IMMP2L: variants seen among roughly 807,000 people sequenced by gnomAD.
IMMP2L encodes the protein inner mitochondrial membrane peptidase subunit 2, also known as mitochondrial inner membrane protease subunit 2.
IMMP2L carries 18 observed loss-of-function variants against 19.3 expected under a neutral mutation model. The observed-to-expected ratio is 0.93, with a 90% confidence interval of 0.64 to 1.38. The LOEUF is 1.38. IMMP2L is among the 40% of genes most tolerant of loss of function. The pLI is 0.00. For synonymous variants in IMMP2L, 76 were observed against 73.0 expected (o/e 1.04, Z -0.21); for missense variants, 233 against 218.2 (o/e 1.07, Z -0.43).
intron 3 of IMMP2L, among the ~76,000 whole-genome samples, chr7:111,028,196 T>G (rs1195591494): frequency 6.6e-6 from 1 of 152,116 alleles, no homozygotes; most frequent in African/African-American, 2.4e-5. Flanking sequence ...AAATGAGATT[T>G]TTTCAACGTT....
intron 3 of IMMP2L, among the ~76,000 whole-genome samples, chr7:110,980,249 T>TA (rs1554480184): frequency 2.0e-5 from 3 of 148,378 alleles, no homozygotes; most frequent in African/African-American, 7.5e-5. Context: ...TTTTTTTTTT[T>TA]AGGAGTCTCG....
chr7:111,144,876 A>G (rs1803301553), intron 3 of IMMP2L, among the ~76,000 whole-genome samples: 1 of 152,180 alleles, frequency 6.6e-6, no homozygotes, highest in Admixed American at 6.6e-5. Context: ...ATCATTAAAT[A>G]TATAAATACA....
chr7:111,538,714 G>GT, intron 1 of IMMP2L, among the ~76,000 whole-genome samples: 1 of 150,860 alleles, frequency 6.6e-6, no homozygotes, highest in South Asian at 2.1e-4. Context: ...GGAGGCTGAG[G>GT]TGGGAGGATC....
At chr7:110,984,291 CAA>C (rs570938609) in intron 3 of IMMP2L, among the ~76,000 whole-genome samples, 5 of 130,518 alleles carry the variant, frequency 3.8e-5, no homozygotes, top group Non-Finnish European at 3.4e-5. Context: ...TACTTATCAC[CAA>C]AAAAAAAAAA....
At chr7:110,761,733 A>G (rs1251988291) in intron 5 of IMMP2L, among the ~76,000 whole-genome samples, 2 of 152,210 alleles carry the variant, frequency 1.3e-5, no homozygotes, top group African/African-American at 4.8e-5. Context: ...TTCACAGATG[A>G]GGAACCTGAG....
At chr7:110,732,194 A>G (rs1796316045) in intron 5 of IMMP2L, among the ~76,000 whole-genome samples, 1 of 152,196 alleles carries the variant, frequency 6.6e-6, no homozygotes, top group Non-Finnish European at 1.5e-5. Context: ...GGAGCTGAAG[A>G]GGCAACAAGG....
At chr7:110,704,208 AACT>A (rs2130662188) in intron 5 of IMMP2L, among the ~76,000 whole-genome samples, 1 of 152,306 alleles carries the variant, frequency 6.6e-6, no homozygotes, top group African/African-American at 2.4e-5. Context: ...TTGTCAACAT[AACT>A]ATATTTGTTA....
At chr7:111,330,783 C>A (rs533231671) in intron 3 of IMMP2L, among the ~76,000 whole-genome samples, 1 of 151,894 alleles carries the variant, frequency 6.6e-6, no homozygotes, top group African/African-American at 2.4e-5. Flanking sequence ...ATAAAAATTT[C>A]TCAAAAGAAG....
chr7:111,209,962 A>G (rs570860030), intron 3 of IMMP2L, among the ~76,000 whole-genome samples: 19 of 152,288 alleles, frequency 1.2e-4, no homozygotes, highest in African/African-American at 4.3e-4. Context: ...AGGGAAGTAC[A>G]GTACTCTTCC....
intron 5 of IMMP2L, among the ~76,000 whole-genome samples, chr7:110,885,857 T>C (rs1209723899): frequency 1.3e-5 from 2 of 152,036 alleles, no homozygotes; most frequent in Admixed American, 1.3e-4. Context: ...TGGGAAGTCA[T>C]GGCAGGGGGC....
intron 1 of IMMP2L, among the ~76,000 whole-genome samples, chr7:111,536,703 T>C (rs926626034): frequency 4.6e-5 from 7 of 152,156 alleles, no homozygotes; most frequent in African/African-American, 1.7e-4. Context: ...TTTTTCAATT[T>C]ATAAATTATC....
At chr7:111,089,706 G>T (rs991694713) in intron 3 of IMMP2L, among the ~76,000 whole-genome samples, 1 of 151,870 alleles carries the variant, frequency 6.6e-6, no homozygotes, top group Non-Finnish European at 1.5e-5. Flanking sequence ...ATAATATTCT[G>T]AAATAAGTAT....
At chr7:111,336,674 T>C (rs1336082015) in intron 3 of IMMP2L, among the ~76,000 whole-genome samples, 1 of 152,062 alleles carries the variant, frequency 6.6e-6, no homozygotes, top group African/African-American at 2.4e-5. Flanking sequence ...TTTTGTTATA[T>C]AATTTCTTGC....
chr7:111,040,640 C>T (rs925215587), intron 3 of IMMP2L, among the ~76,000 whole-genome samples: 3 of 149,786 alleles, frequency 2.0e-5, no homozygotes, highest in African/African-American at 7.3e-5. Flanking sequence ...AAGCCTGTGG[C>T]CACCTGAAAG....
chr7:111,459,046 G>A (rs1839915480), intron 3 of IMMP2L, among the ~76,000 whole-genome samples: 1 of 152,056 alleles, frequency 6.6e-6, no homozygotes, highest in Admixed American at 6.6e-5. Context: ...ACCACAGGAT[G>A]CTAAAATGTT....
chr7:110,930,531 A>G (rs1453949381), intron 4 of IMMP2L, among the ~76,000 whole-genome samples: 2 of 152,236 alleles, frequency 1.3e-5, no homozygotes, highest in South Asian at 2.1e-4. Flanking sequence ...TATTATTTCT[A>G]CTTTACTAAG....
rs149729995 is a variant in IMMP2L, at chr7:110,702,124, G to A, written c.409-38403C>T. Among the ~76,000 whole-genome samples the A allele has an allele frequency of 2.7e-3, 408 of 150,894 alleles. 4 individuals carry two copies. The highest frequency in any genetic ancestry group is 9.2e-3 in the African/African-American group (379 of 41,090). ...TTTTTTTTGTATGTTTTGTAGAGAC[G>A]GATTTTCACCGTGTTGCCCAGGCTG... On this transcript the variant is annotated intron_variant, in intron 5 of 5. Coordinates refer to ENST00000405709, the MANE Select transcript of IMMP2L (RefSeq NM_032549.4).
chr7:111,018,916 T>A (rs981973044), intron 3 of IMMP2L, among the ~76,000 whole-genome samples: 2 of 150,752 alleles, frequency 1.3e-5, no homozygotes, highest in Admixed American at 1.3e-4. Flanking sequence ...ACATTTGCAA[T>A]GGTTCAATCT....
chr7:111,276,030 A>G (rs1016481992), intron 3 of IMMP2L, among the ~76,000 whole-genome samples: 1 of 151,972 alleles, frequency 6.6e-6, no homozygotes, highest in Non-Finnish European at 1.5e-5. Flanking sequence ...GATGCCTCTT[A>G]TTTCTTAATA....
Sources: allele counts gnomAD v4.1 joint callset (sites outside exome capture counted in the v4.1 genomes callset), GRCh38; gene constraint gnomAD v4.1.1; transcripts MANE v1.5; gene names NCBI Gene and HGNC (gene_info 2026-07-23, HGNC 2026-07-21).